ZBBX: variants seen among roughly 807,000 people sequenced by gnomAD.
ZBBX encodes zinc finger B-box domain-containing protein 1.
ZBBX carries 101 observed loss-of-function variants against 108.5 expected under a neutral mutation model. That is an observed-to-expected ratio of 0.93 (90% CI 0.79 to 1.10). The LOEUF is 1.10. Among genes scored for constraint, ZBBX ranks in the 50% least tolerant of loss-of-function variants. The pLI is 0.00. For synonymous variants in ZBBX, 356 were observed against 323.4 expected, an observed-to-expected ratio of 1.10 and a Z score of -1.08; for missense variants, 1,009 against 941.4, an observed-to-expected ratio of 1.07 and a Z score of -0.94.
chr3:167,211,419 T>C, the ZBBX span, among the ~76,000 whole-genome samples: 1 of 152,156 alleles, frequency 6.6e-6, no homozygotes, highest in Admixed American at 6.5e-5. Flanking sequence ...AGTGGGAGGT[T>C]ACATTCCTGT....
chr3:167,365,076 GT>G (rs879419121), intron 6 of ZBBX, among the ~76,000 whole-genome samples: 8 of 151,446 alleles, frequency 5.3e-5, no homozygotes, highest in Non-Finnish European at 1.2e-4. Context: ...AGTGAGATAA[GT>G]TTTTTTTAAA....
chr3:167,238,047 A>T (rs552039385), downstream of ZBBX, among the ~76,000 whole-genome samples: 2 of 152,090 alleles, frequency 1.3e-5, no homozygotes, highest in African/African-American at 4.8e-5. Context: ...TCTTCATCAC[A>T]AGGGAAAAGG....
chr3:167,363,648 C>A (rs1744890080), intron 6 of ZBBX, among the ~76,000 whole-genome samples: 1 of 151,996 alleles, frequency 6.6e-6, no homozygotes, highest in Non-Finnish European at 1.5e-5. Flanking sequence ...GTCCATCTTT[C>A]ATTCTACAAA....
At chr3:167,186,619 G>A in the ZBBX span, among the ~76,000 whole-genome samples, 19 of 152,144 alleles carry the variant, frequency 1.2e-4, no homozygotes, top group African/African-American at 4.6e-4. Flanking sequence ...GCTTCAGAAG[G>A]ACATTACAAA....
rs565968969 is a variant in ZBBX, at chr3:167,301,278, A to G, written c.1726-2820T>C. The stretch of plus-strand genomic sequence containing the variant: ...CTATGTAAGTCACAGCTATCCTGAC[A>G]GACTCTGATCAGTTGAGAGTAGACC... On this transcript the variant is annotated intron_variant, in intron 17 of 21. Coordinates refer to ENST00000675490, the MANE Select transcript of ZBBX (RefSeq NM_001199201.2). Among the ~76,000 whole-genome samples the G allele has an allele frequency of 6.6e-4, 100 of 152,204 alleles. 2 individuals carry two copies. Among genetic ancestry groups the G allele is most frequent in the Non-Finnish European group, 1.2e-3 (83 of 68,032 alleles).
At chr3:167,213,350 TGGGG>T in the ZBBX span, among the ~76,000 whole-genome samples, 1 of 152,070 alleles carries the variant, frequency 6.6e-6, no homozygotes, top group Non-Finnish European at 1.5e-5. Context: ...AAGAACCTAA[TGGGG>T]GTGTGATAGA....
the ZBBX span, among the ~76,000 whole-genome samples, chr3:167,217,026 A>G: frequency 6.6e-6 from 1 of 152,164 alleles, no homozygotes; most frequent in Non-Finnish European, 1.5e-5. Flanking sequence ...ATCCTAAAAG[A>G]CAACCTTGGT....
At chr3:167,283,991 T>C (rs1230309649) in intron 19 of ZBBX, among the ~76,000 whole-genome samples, 2 of 152,136 alleles carry the variant, frequency 1.3e-5, no homozygotes, top group South Asian at 4.1e-4. Context: ...TATGTAATTA[T>C]TTAAGCAATT....
chr3:167,310,010 G>A (rs897385095), intron 16 of ZBBX, among the ~76,000 whole-genome samples: 4 of 152,096 alleles, frequency 2.6e-5, no homozygotes, highest in Non-Finnish European at 5.9e-5. Context: ...AAACAGCCAG[G>A]TCACATCTTG....
At chr3:167,401,670 C>A (rs1669166179) in intron 1 of ZBBX, among the ~76,000 whole-genome samples, 1 of 152,096 alleles carries the variant, frequency 6.6e-6, no homozygotes, top group Non-Finnish European at 1.5e-5. Context: ...TCATCACCAT[C>A]TTGGTTTTGG....
At chr3:167,316,982 T>C (rs775528193) in intron 14 of ZBBX, 23 bp downstream of exon 14, 1 of 1,394,316 alleles carries the variant, frequency 7.2e-7, no homozygotes, top group South Asian at 1.3e-5. Flanking sequence ...TCATGAATGG[T>C]CATTATGCAC....
the ZBBX span, among the ~76,000 whole-genome samples, chr3:167,234,715 G>C: frequency 6.6e-6 from 1 of 151,746 alleles, no homozygotes; most frequent in Non-Finnish European, 1.5e-5. Context: ...CTGTGACAAA[G>C]ATGCCAGTTG....
chr3:167,311,448 T>C (rs1284492596), intron 16 of ZBBX, among the ~76,000 whole-genome samples: 2 of 152,038 alleles, frequency 1.3e-5, no homozygotes, highest in African/African-American at 4.8e-5. Context: ...CTAAACTTTA[T>C]TAAAATAAAA....
intron 20 of ZBBX, among the ~76,000 whole-genome samples, chr3:167,254,327 G>T (rs999969499): frequency 6.6e-6 from 1 of 152,160 alleles, no homozygotes; most frequent in Non-Finnish European, 1.5e-5. Flanking sequence ...CATAGCTAGT[G>T]AACCGGGTAC....
upstream of ZBBX, chr3:167,381,192 A>AATTATTATTTTT (rs1747692401): frequency 2.0e-5 from 3 of 152,250 alleles, no homozygotes; most frequent in Admixed American, 2.0e-4. Flanking sequence ...TAATGATTTC[A>AATTATTATTTTT]CTTGGCATAT....
chr3:167,314,691 G>C lies in ZBBX; in HGVS notation c.1275-575C>G, dbSNP rs117053149. ...TTCTGGATTATATTCAACCGAAAAGGCCCTCTTGTGTCACTCGTGATCTCC... is the reference window on the plus strand; with the variant it reads ...TTCTGGATTATATTCAACCGAAAAGCCCCTCTTGTGTCACTCGTGATCTCC... On this transcript the variant is annotated intron_variant, in intron 15 of 21. Coordinates refer to ENST00000675490, the MANE Select transcript of ZBBX (RefSeq NM_001199201.2). Among the ~76,000 whole-genome samples the C allele has an allele frequency of 2.0e-5, 3 of 152,154 alleles. No homozygotes were observed. The South Asian group carries it at 6.2e-4, about 32-fold the overall frequency.
intron 20 of ZBBX, among the ~76,000 whole-genome samples, chr3:167,273,342 C>T (rs1246710255): frequency 2.0e-5 from 3 of 152,154 alleles, no homozygotes; most frequent in African/African-American, 7.2e-5. Context: ...ATCCCCTTTC[C>T]ACTCAGATGG....
At chr3:167,250,546 T>A (rs1722399039) in intron 20 of ZBBX, among the ~76,000 whole-genome samples, 1 of 151,330 alleles carries the variant, frequency 6.6e-6, no homozygotes, top group African/African-American at 2.4e-5. Flanking sequence ...TTTTTTTTTT[T>A]ACTCTCAAGC....
chr3:167,242,676 A>G (rs774612396), intron 20 of ZBBX, 33 bp from the exon 21 acceptor site: 1 of 1,594,970 alleles, frequency 6.3e-7, no homozygotes, highest in East Asian at 2.3e-5. Flanking sequence ...TTGTCAAAAC[A>G]TAAATTCAAG....
Sources: allele counts gnomAD v4.1 joint callset (sites outside exome capture counted in the v4.1 genomes callset), GRCh38; gene constraint gnomAD v4.1.1; transcripts MANE v1.5; gene names NCBI Gene and HGNC (gene_info 2026-07-23, HGNC 2026-07-21).